The following CADM2 variants were observed in gnomAD, a reference collection of about 807,000 sequenced individuals.
CADM2 encodes the protein immunoglobulin superfamily member 4D.
In CADM2, 12 loss-of-function variants were observed where a neutral mutation model predicts 49.8. The observed-to-expected ratio is 0.24, with a 90% CI of 0.15 to 0.39. The LOEUF (loss-of-function observed/expected upper bound fraction) is 0.39. Ranked by LOEUF, CADM2 falls within the 10% of genes least tolerant of loss-of-function variation. CADM2 has a pLI of 1.00. For missense variants in CADM2, 378 were observed against 492.3 expected, an observed-to-expected ratio of 0.77 and a Z score of 2.20; for synonymous variants, 214 against 175.4, an observed-to-expected ratio of 1.22 and a Z score of -1.74.
chr3:85,938,239 A>G (rs931978139), intron 7 of CADM2, among the ~76,000 whole-genome samples: 32 of 152,118 alleles, frequency 2.1e-4, no homozygotes, highest in African/African-American at 7.7e-4. Context: ...CAACAGTGCC[A>G]GATGAGGCAG....
intron 4 of CADM2, 115 bp downstream of exon 4, chr3:85,883,558 T>A: frequency 1.1e-6 from 1 of 897,832 alleles, no homozygotes; most frequent in Non-Finnish European, 1.6e-6. Flanking sequence ...AGATATGGTT[T>A]AATCCTTTCT....
rs537240780 is a variant in CADM2 at position 85,647,854 on chromosome 3, TAAAAG to T, written c.62-78664_62-78660del. Among the ~76,000 whole-genome samples the T allele has an allele frequency of 1.2e-4, 18 of 151,920 alleles. No individual in the cohort carries two copies. In the South Asian group the frequency reaches 3.3e-3, roughly 28 times the overall value. Reference sequence around the variant, plus strand: ...TTCATATTTCTCTAGACAACAAAAATAAAAGAAAGGAATTGACTTGCCACTCAGTT... The same window carrying T: ...TTCATATTTCTCTAGACAACAAAAATAAAGGAATTGACTTGCCACTCAGTT... On this transcript the variant is annotated intron_variant, in intron 1 of 9. Transcript: ENST00000383699.
intron 1 of CADM2, among the ~76,000 whole-genome samples, chr3:85,109,907 A>G (rs1039042163): frequency 1.3e-5 from 2 of 151,858 alleles, no homozygotes; most frequent in African/African-American, 4.8e-5. Context: ...GAAATTTTTG[A>G]TGTTGTGTCT....
chr3:85,561,292 C>A (rs2062089381), intron 1 of CADM2, among the ~76,000 whole-genome samples: 1 of 152,070 alleles, frequency 6.6e-6, no homozygotes, highest in African/African-American at 2.4e-5. Flanking sequence ...CTCCTACAAA[C>A]AATATCCAAT....
chr3:85,911,838 G>T (rs941835694), intron 5 of CADM2, among the ~76,000 whole-genome samples: 1 of 152,058 alleles, frequency 6.6e-6, no homozygotes, highest in East Asian at 1.9e-4. Context: ...TTATAAGCTA[G>T]GTAAGCCTGA....
chr3:85,218,426 G>A (rs1255175076), intron 1 of CADM2, among the ~76,000 whole-genome samples: 2 of 152,066 alleles, frequency 1.3e-5, no homozygotes, highest in South Asian at 4.1e-4. Context: ...ATATCATCAC[G>A]TCATAACCCC....
chr3:85,637,715 T>C (rs1337705620), intron 1 of CADM2, among the ~76,000 whole-genome samples: 1 of 151,856 alleles, frequency 6.6e-6, no homozygotes, highest in African/African-American at 2.4e-5. Context: ...AAAATGACAA[T>C]AACTTAGCCA....
At chr3:85,496,018 T>C (rs2039875135) in intron 1 of CADM2, among the ~76,000 whole-genome samples, 1 of 152,186 alleles carries the variant, frequency 6.6e-6, no homozygotes, top group Admixed American at 6.5e-5. Flanking sequence ...TGAATAATTA[T>C]TCTTATTTTT....
At chr3:85,528,344 G>A (rs1559888290) in intron 1 of CADM2, among the ~76,000 whole-genome samples, 3 of 152,022 alleles carry the variant, frequency 2.0e-5, no homozygotes, top group South Asian at 2.1e-4. Flanking sequence ...ACATGCACAC[G>A]TGCACACATA....
chr3:85,756,209 A>G (rs1162948242), intron 2 of CADM2, among the ~76,000 whole-genome samples: 2 of 152,118 alleles, frequency 1.3e-5, no homozygotes, highest in African/African-American at 2.4e-5. Flanking sequence ...TTAATGGTCT[A>G]TATGTCTGGA....
At chr3:85,756,295 ACTT>A (rs1301386939) in intron 2 of CADM2, among the ~76,000 whole-genome samples, 1 of 152,076 alleles carries the variant, frequency 6.6e-6, no homozygotes, top group Non-Finnish European at 1.5e-5. Flanking sequence ...TTTCTCACAA[ACTT>A]CTTTTCTCCA....
intron 1 of CADM2, among the ~76,000 whole-genome samples, chr3:85,366,363 C>T (rs1437169060): frequency 6.6e-6 from 1 of 152,116 alleles, no homozygotes; most frequent in Admixed American, 6.6e-5. Flanking sequence ...TTTTATTTCT[C>T]TTGGGTGAAA....
intron 1 of CADM2, among the ~76,000 whole-genome samples, chr3:85,684,830 C>G (rs549065131): frequency 1.3e-5 from 2 of 152,258 alleles, no homozygotes; most frequent in East Asian, 3.9e-4. Flanking sequence ...GGGTCCCGCC[C>G]ACAACATGCA....
intron 2 of CADM2, among the ~76,000 whole-genome samples, chr3:85,767,211 T>C (rs2069702149): frequency 2.0e-5 from 3 of 152,138 alleles, no homozygotes; most frequent in Admixed American, 1.3e-4. Flanking sequence ...TTTAAATATA[T>C]TACCGGGTTT....
In CADM2 at chr3:84,973,720, G is replaced by A. The variant is rs180817184; in HGVS notation, c.61+14052G>A. Among the ~76,000 whole-genome samples the A allele has an allele frequency of 9.7e-4, 133 of 137,302 alleles. 2 individuals carry two copies. The highest frequency in any genetic ancestry group is 1.2e-3 in the South Asian group (5 of 4,310). 90.1% of individuals were successfully genotyped at this position (137,302 alleles called of 152,430 possible). A position where few individuals can be genotyped will look rare whatever the true frequency, so the allele number is the denominator to read the frequency against. On this transcript the variant is annotated intron_variant, in intron 1 of 9. Transcript: ENST00000383699. ...ACCAGCAACATTCATTCAAAGAGCC[G>A]CTGATGCCTCAGGGAAAACATTTTT...
chr3:85,733,923 T>C (rs2068031438), intron 2 of CADM2, among the ~76,000 whole-genome samples: 1 of 152,122 alleles, frequency 6.6e-6, no homozygotes, highest in African/African-American at 2.4e-5. Flanking sequence ...AAGTCTGTAA[T>C]TAAATTCCCA....
chr3:85,828,099 C>T (rs1459360627), intron 3 of CADM2: 1 of 151,882 alleles, frequency 6.6e-6, no homozygotes, highest in African/African-American at 2.4e-5. Context: ...GTACCACTTA[C>T]CATTTATTAC....
At chr3:85,960,859 C>CA (rs1272748916) in intron 7 of CADM2, among the ~76,000 whole-genome samples, 1 of 151,286 alleles carries the variant, frequency 6.6e-6, no homozygotes, top group Non-Finnish European at 1.5e-5. Flanking sequence ...AAAGCTGTGC[C>CA]ACAAGGGTGG....
Position 85,912,095 on chromosome 3 carries a change from C to T in CADM2, c.530-278C>T, listed in dbSNP as rs190359695. ...AGTAGCTGGGACTACAGGTGCCCGT[C>T]ACCACATCCGGCTAATTTTTTTTGT... On this transcript the variant is annotated intron_variant, in intron 5 of 9. Coordinates refer to ENST00000383699, the MANE Select transcript of CADM2 (RefSeq NM_001167675.2). Among the ~76,000 whole-genome samples the T allele has an allele frequency of 2.3e-3, 356 of 152,044 alleles. 1 individual carries two copies. Among genetic ancestry groups the T allele is most frequent in the African/African-American group, 8.4e-3 (347 of 41,494 alleles).
Sources: gnomAD v4.1 joint callset for allele counts (sites outside exome capture counted in the v4.1 genomes callset) on GRCh38, gnomAD v4.1.1 for gene constraint, MANE v1.5 for transcripts, NCBI Gene and HGNC (gene_info 2026-07-23, HGNC 2026-07-21) for gene names.